ANKRD28: variants seen among roughly 807,000 people sequenced by gnomAD.
The protein encoded by ANKRD28 is ankyrin repeat domain 28, also known as serine/threonine-protein phosphatase 6 regulatory ankyrin repeat subunit A.
A neutral mutation model predicts 126.5 loss-of-function variants in ANKRD28; 44 were observed. The observed-to-expected ratio is 0.35, with a 90% CI of 0.27 to 0.45. ANKRD28 has a LOEUF of 0.45. Among genes scored for constraint, ANKRD28 ranks in the 20% least tolerant of loss-of-function variants. ANKRD28 has a pLI of 1.00. For missense variants in ANKRD28, 1,110 were observed against 1,316.6 expected, an observed-to-expected ratio of 0.84 and a Z score of 2.43; for synonymous variants, 442 against 468.5, an observed-to-expected ratio of 0.94 and a Z score of 0.73.
intron 1 of ANKRD28, among the ~76,000 whole-genome samples, chr3:15,811,134 C>A (rs1455782540): frequency 1.3e-5 from 2 of 152,126 alleles, no homozygotes; most frequent in African/African-American, 4.8e-5. Flanking sequence ...GCACACCAGA[C>A]TGGAGAAACA....
At chr3:15,847,163 A>G (rs1297732312) in intron 1 of ANKRD28, among the ~76,000 whole-genome samples, 1 of 152,220 alleles carries the variant, frequency 6.6e-6, no homozygotes, top group South Asian at 2.1e-4. Context: ...CAAAGTTAGG[A>G]AACAGTGGCT....
chr3:15,837,677 A>G (rs2061352569), intron 1 of ANKRD28, among the ~76,000 whole-genome samples: 1 of 152,134 alleles, frequency 6.6e-6, no homozygotes, highest in Admixed American at 6.5e-5. Flanking sequence ...AGCTGGGCAC[A>G]GTGATGTTAA....
At chr3:15,820,554 T>C (rs1461996864) in intron 1 of ANKRD28, among the ~76,000 whole-genome samples, 1 of 152,176 alleles carries the variant, frequency 6.6e-6, no homozygotes, top group Non-Finnish European at 1.5e-5. Context: ...ACTAATCATA[T>C]GCAATGTTTA....
At chr3:15,739,922 G>A (rs570574311) in intron 4 of ANKRD28, among the ~76,000 whole-genome samples, 39 of 152,272 alleles carry the variant, frequency 2.6e-4, no homozygotes, top group Admixed American at 2.4e-3. Flanking sequence ...TTCCACAACA[G>A]TGATTTATCC....
intron 6 of ANKRD28, among the ~76,000 whole-genome samples, chr3:15,728,404 C>T (rs1024892301): frequency 6.6e-6 from 1 of 152,112 alleles, no homozygotes; most frequent in Admixed American, 6.5e-5. Context: ...GGTGATCCTC[C>T]CACCTCAGCC....
At chr3:15,755,088 C>A (rs2125413382) in intron 3 of ANKRD28, among the ~76,000 whole-genome samples, 1 of 152,040 alleles carries the variant, frequency 6.6e-6, no homozygotes, top group Non-Finnish European at 1.5e-5. Flanking sequence ...TAGACCGTGC[C>A]ATTGCACTCC....
chr3:15,791,652 G>T (rs997686315), intron 2 of ANKRD28, among the ~76,000 whole-genome samples: 6 of 151,962 alleles, frequency 3.9e-5, no homozygotes, highest in Non-Finnish European at 8.8e-5. Context: ...TCTAATACAA[G>T]AAAACACTGG....
chr3:15,744,091 C>A (rs896686833), intron 4 of ANKRD28, among the ~76,000 whole-genome samples: 2 of 152,202 alleles, frequency 1.3e-5, no homozygotes, highest in Non-Finnish European at 2.9e-5. Flanking sequence ...CTTTTGCTCT[C>A]AGGACTTAAT....
Position 15,737,241 on chromosome 3 carries a change from A to T in ANKRD28, c.352-8T>A. On this transcript the variant is annotated splice_region_variant and splice_polypyrimidine_tract_variant and intron_variant, in intron 4 of 27. Transcript: ENST00000683139. Reference sequence around the variant, plus strand: ...AAGTACCTGAACTGCTTCCTAAAACATATGAAAAGTTATAAAAGACAAATG... The same window carrying T: ...AAGTACCTGAACTGCTTCCTAAAACTTATGAAAAGTTATAAAAGACAAATG... 6.2e-7 allele frequency: 1 copy of T among 1,609,642 alleles called. No individual in the cohort carries two copies. Among genetic ancestry groups the T allele is most frequent in the Non-Finnish European group, 8.5e-7 (1 of 1,177,480 alleles).
intron 1 of ANKRD28, among the ~76,000 whole-genome samples, chr3:15,823,074 C>G (rs902213500): frequency 6.6e-6 from 1 of 152,196 alleles, no homozygotes; most frequent in Admixed American, 6.5e-5. Context: ...ACAGTGGTCC[C>G]CCACCTTGTT....
Position 15,815,609 on chromosome 3 carries a change from T to C in ANKRD28, c.28-20303A>G, listed in dbSNP as rs1159448866. On this transcript the variant is annotated intron_variant, in intron 1 of 27. Coordinates refer to the ANKRD28 transcript ENST00000399451. This position sits in a 1 kb window ranked among gnomAD's most constrained non-coding sequence, Gnocchi z 4.1. Reference sequence around the variant, plus strand: ...CACTGCACCACCCACACACTTCTTATTGTTCTGAAAGAATCGTCATCAATG... The same window carrying C: ...CACTGCACCACCCACACACTTCTTACTGTTCTGAAAGAATCGTCATCAATG... 6.6e-6 allele frequency among the ~76,000 whole-genome samples: 1 copy of C among 152,160 alleles called. No individual in the cohort carries two copies.
Position 15,795,240 on chromosome 3 carries a change from C to G in ANKRD28, c.184G>C (p.Glu62Gln). 1 of 1,611,564 alleles carries G rather than the reference C, an allele frequency of 6.2e-7. No individual in the cohort carries two copies. Among genetic ancestry groups the G allele is most frequent in the Non-Finnish European group, 8.5e-7 (1 of 1,177,932 alleles). Residue 62 changes from glutamate (E) to glutamine (Q), a missense_variant, in exon 2 of 28, where the codon GAA (glutamate) becomes CAA (glutamine). Physicochemically the swap from Glu to Gln is conservative, Grantham distance 29 (BLOSUM62 2). Coordinates refer to ENST00000683139, the MANE Select transcript of ANKRD28 (RefSeq NM_001349278.2). The stretch of plus-strand genomic sequence containing the variant: ...TGTTTTACCTGAAAGTTAACATCTT[C>G]TTTCTTAAATATTAGTGCTCGAACT... ...DEVRALIFKK[E>Q]DVNFQDNEKR... is the part of the protein sequence containing the mutation.
chr3:15,721,434 A>G (rs1165654151), intron 7 of ANKRD28, among the ~76,000 whole-genome samples: 1 of 152,244 alleles, frequency 6.6e-6, no homozygotes, highest in Admixed American at 6.5e-5. Context: ...GTATTTTTAA[A>G]GGCGTTCTAG....
chr3:15,727,400 CTACTAAAAG>C (rs755498400), intron 6 of ANKRD28, among the ~76,000 whole-genome samples: 95 of 151,834 alleles, frequency 6.3e-4, no homozygotes, highest in Non-Finnish European at 1.2e-3. Flanking sequence ...AACCCTGTCT[CTACTAAAAG>C]TACAAAAATT....
At chr3:15,718,792 G>A (rs962007653) in intron 8 of ANKRD28, among the ~76,000 whole-genome samples, 1 of 152,164 alleles carries the variant, frequency 6.6e-6, no homozygotes, top group African/African-American at 2.4e-5. Context: ...GTCTCACAGA[G>A]ACTGAGAAAA....
intron 1 of ANKRD28, among the ~76,000 whole-genome samples, chr3:15,831,858 T>C (rs904206732): frequency 4.6e-5 from 7 of 152,198 alleles, no homozygotes; most frequent in Non-Finnish European, 8.8e-5. Context: ...CAATGATCTT[T>C]AAATAAGGAT....
At chr3:15,696,105 G>C in intron 15 of ANKRD28, 29 bp downstream of exon 15, 1 of 1,400,258 alleles carries the variant, frequency 7.1e-7, no homozygotes, top group Non-Finnish European at 9.9e-7. Flanking sequence ...ACTCCCATTA[G>C]GTCTTTCACA....
chr3:15,691,374 C>T (rs1457769576), intron 17 of ANKRD28, among the ~76,000 whole-genome samples: 7 of 152,094 alleles, frequency 4.6e-5, no homozygotes, highest in Non-Finnish European at 8.8e-5. Flanking sequence ...CCGCCCGCCT[C>T]GGCCTCCCAA....
In ANKRD28 at chr3:15,671,251, A is replaced by C. The variant is rs564510896; in HGVS notation, c.2966-695T>G. ...ACTGACCTTAGTCGTAAGTTACCACAAAGTGTCAACACAGCAAACCAAGGA... is the reference window on the plus strand; with the variant it reads ...ACTGACCTTAGTCGTAAGTTACCACCAAGTGTCAACACAGCAAACCAAGGA... On this transcript the variant is annotated intron_variant, in intron 27 of 27. Coordinates refer to ENST00000683139, the MANE Select transcript of ANKRD28 (RefSeq NM_001349278.2). Among the ~76,000 whole-genome samples, 10 of 152,342 alleles carry C rather than the reference A, an allele frequency of 6.6e-5. No individual in the cohort carries two copies. The South Asian group carries it at 1.7e-3, about 25-fold the overall frequency.
Sources: allele counts gnomAD v4.1 joint callset (sites outside exome capture counted in the v4.1 genomes callset), GRCh38; gene constraint gnomAD v4.1.1; non-coding constraint Gnocchi (gnomAD v3.1); transcripts MANE v1.5; gene names NCBI Gene and HGNC (gene_info 2026-07-23, HGNC 2026-07-21).